Variants in ZFHX3 observed in about 807,000 individuals in gnomAD.
ZFHX3 encodes the protein zinc finger homeobox protein 3.
Under a neutral mutation model 279.1 loss-of-function variants are expected in ZFHX3, and 42 were observed. That is an observed-to-expected ratio of 0.15 (90% CI 0.12 to 0.19). The LOEUF (loss-of-function observed/expected upper bound fraction) is 0.19, where lower values mean the gene tolerates loss of function less well. Among genes scored for constraint, ZFHX3 ranks in the 10% least tolerant of loss-of-function variants. The probability of loss-of-function intolerance (pLI) is 1.00; values close to 1 mark genes in which losing one functional copy is unlikely to be tolerated. For missense variants in ZFHX3, 4,981 were observed against 4,754.0 expected (o/e 1.05, Z -1.40); for synonymous variants, 2,293 against 1,957.8 (o/e 1.17, Z -4.52).
intron 5 of ZFHX3, among the ~76,000 whole-genome samples, chr16:73,192,989 T>C (rs995334338): frequency 1.3e-5 from 2 of 152,064 alleles, no homozygotes; most frequent in Admixed American, 6.5e-5. Context: ...AGCCACCTCA[T>C]TGGGTTGTTT....
rs8048524 is a variant in ZFHX3 at position 73,115,952 on chromosome 16, T to C, written c.-897+15016A>G. On this transcript the variant is annotated intron_variant, in intron 7 of 17. Transcript: ENST00000641206. ...TGACCAACATCATGGAGAAACCCCG[T>C]CTCTGTTAAAATACAAAATTAGCCG... Among the ~76,000 whole-genome samples the C allele has an allele frequency of 8.5e-3, 1,295 of 151,960 alleles. 22 individuals carry two copies. The highest frequency in any genetic ancestry group is 0.03 in the African/African-American group (1,236 of 41,446).
intron 2 of ZFHX3, among the ~76,000 whole-genome samples, chr16:73,519,174 T>A (rs184692978): frequency 1.3e-5 from 2 of 152,286 alleles, no homozygotes; most frequent in East Asian, 3.9e-4. Flanking sequence ...CCAGTATTTC[T>A]AATTGATGGT....
chr16:73,717,995 T>C (rs576364860), intron 1 of ZFHX3, among the ~76,000 whole-genome samples: 6 of 152,306 alleles, frequency 3.9e-5, no homozygotes, highest in African/African-American at 1.4e-4. Flanking sequence ...TTGTTCCAAG[T>C]GGTGCTTCCT....
intron 1 of ZFHX3, among the ~76,000 whole-genome samples, chr16:73,694,015 C>T (rs71388984): frequency 0.05 from 5,704 of 114,232 alleles, 126 homozygotes; most frequent in Middle Eastern, 0.056. Flanking sequence ...TGGGGTGTTT[C>T]GTTTTAGCTA....
chr16:73,415,627 C>T (rs539870509), intron 3 of ZFHX3, among the ~76,000 whole-genome samples: 13 of 152,256 alleles, frequency 8.5e-5, no homozygotes, highest in African/African-American at 2.6e-4. Flanking sequence ...TGTCAGTATC[C>T]CCAGTGCTTG....
At chr16:72,957,401 A>G in intron 2 of ZFHX3, 26 bp downstream of exon 2, 1 of 1,570,026 alleles carries the variant, frequency 6.4e-7, no homozygotes, top group East Asian at 2.3e-5. Context: ...TATCATGAAA[A>G]CAGACAAACA....
chr16:73,094,086 C>T (rs996511393), intron 7 of ZFHX3, among the ~76,000 whole-genome samples: 1 of 151,588 alleles, frequency 6.6e-6, no homozygotes, highest in Non-Finnish European at 1.5e-5. Context: ...TACAAATGCA[C>T]ACACAAGCTA....
At chr16:73,671,341 G>T (rs964660500) in intron 2 of ZFHX3, among the ~76,000 whole-genome samples, 1 of 152,190 alleles carries the variant, frequency 6.6e-6, no homozygotes. Flanking sequence ...AGCAAAGCCA[G>T]CATCAGTGGC....
chr16:73,447,519 C>T (rs1017463097), intron 3 of ZFHX3, among the ~76,000 whole-genome samples: 1 of 152,112 alleles, frequency 6.6e-6, no homozygotes, highest in Non-Finnish European at 1.5e-5. Flanking sequence ...AACATAATTT[C>T]AAGATTAGAA....
chr16:72,856,845 T>G (rs1405603311), intron 4 of ZFHX3, among the ~76,000 whole-genome samples: 1 of 152,020 alleles, frequency 6.6e-6, no homozygotes, highest in Non-Finnish European at 1.5e-5. Flanking sequence ...TTGTGTCAAG[T>G]GAGTGGGGCC....
Position 72,785,969 on chromosome 16 carries a change from A to ATTCT in ZFHX3, c.*1191_*1194dup, listed in dbSNP as rs1446807388. On this transcript the variant is annotated 3_prime_UTR_variant, in exon 10 of 10. Transcript: ENST00000268489. ...CTAATGACCCCTAGAATCCCTTGAA[A>ATTCT]TTCTTTCTTTAGTTTTATAAAATAA... 1.3e-5 allele frequency: 2 copies of ATTCT among 152,354 alleles called. No individual in the cohort carries two copies. Among genetic ancestry groups the ATTCT allele is most frequent in the East Asian group, 1.9e-4 (1 of 5,192 alleles). 9.4% of individuals were successfully genotyped at this position (152,354 alleles called of 1,614,324 possible). A position where few individuals can be genotyped will look rare whatever the true frequency, so the allele number is the denominator to read the frequency against.
intron 3 of ZFHX3, among the ~76,000 whole-genome samples, chr16:73,436,047 T>A (rs569231668): frequency 2.0e-5 from 3 of 152,198 alleles, no homozygotes; most frequent in African/African-American, 7.2e-5. Flanking sequence ...GAAAAAGAGG[T>A]AGCCCGGCGC....
chr16:72,830,977 T>C (rs2037046802), intron 4 of ZFHX3, among the ~76,000 whole-genome samples: 1 of 152,188 alleles, frequency 6.6e-6, no homozygotes, highest in Admixed American at 6.5e-5. Context: ...CTTAGAACAC[T>C]GGATCAGGCC....
At chr16:73,497,857 A>C (rs2019168227) in intron 2 of ZFHX3, among the ~76,000 whole-genome samples, 1 of 152,160 alleles carries the variant, frequency 6.6e-6, no homozygotes, top group South Asian at 2.1e-4. Flanking sequence ...ATATGTTATC[A>C]CTCTTTTAGA....
At chr16:73,128,542 T>C (rs1320406563) in intron 7 of ZFHX3, among the ~76,000 whole-genome samples, 2 of 152,132 alleles carry the variant, frequency 1.3e-5, no homozygotes, top group African/African-American at 2.4e-5. Flanking sequence ...ACCATTTTCC[T>C]ATACTGGCTC....
intron 1 of ZFHX3, chr16:73,812,776 C>T (rs1189135514): frequency 7.9e-5 from 12 of 152,220 alleles, no homozygotes; most frequent in Admixed American, 7.2e-4. Context: ...AACAGATGAA[C>T]ACACGAAGAC....
chr16:73,298,408 T>C (rs1467353154), intron 4 of ZFHX3, among the ~76,000 whole-genome samples: 2 of 151,814 alleles, frequency 1.3e-5, no homozygotes, highest in Non-Finnish European at 2.9e-5. Flanking sequence ...AGTCTCGAAC[T>C]CCCGACCTCA....
At position 72,794,577 on chromosome 16, in the gene ZFHX3, C is replaced by T. The variant is rs757654945; in HGVS notation, c.8105G>A (p.Arg2702Gln). The change falls in exon 9 of 10, where the codon CGG (arginine) becomes CAG (glutamine). Residue 2702 changes from arginine (R) to glutamine (Q), a missense_variant. By Grantham distance (43) the Arg-to-Gln change is conservative. This residue lies in a region of ZFHX3 where 744 missense variants were observed against 701.3 expected (regional missense o/e 1.06). Transcript: ENST00000268489. The surrounding 1 kb of genome is among the most constrained non-coding windows in gnomAD (Gnocchi z 4.2). ...GTGGGCCTGCGCTGGGCCTACAGCC[C>T]GGAACTGTCCTTTCCTTTCCCGAGC... Reference protein sequence around the residue: ...TRARERKGQFRAVGPAQAHRR... With the variant: ...TRARERKGQFQAVGPAQAHRR... 3.1e-6 allele frequency: 5 copies of T among 1,614,218 alleles called. No homozygotes were observed. The highest frequency in any genetic ancestry group is 4.2e-6 in the Non-Finnish European group (5 of 1,180,042).
intron 1 of ZFHX3, among the ~76,000 whole-genome samples, chr16:73,795,858 C>T (rs1301040470): frequency 6.6e-6 from 1 of 152,194 alleles, no homozygotes; most frequent in Non-Finnish European, 1.5e-5. Flanking sequence ...ATGGCCTCTC[C>T]CACTTCCTAT....
Sources: gnomAD v4.1 joint callset for allele counts (sites outside exome capture counted in the v4.1 genomes callset) on GRCh38, gnomAD v4.1.1 for gene constraint, gnomAD v4.1.1 regional missense constraint, Gnocchi (gnomAD v3.1) non-coding constraint, MANE v1.5 for transcripts, NCBI Gene and HGNC (gene_info 2026-07-23, HGNC 2026-07-21) for gene names.